CSMD1: variants seen among roughly 807,000 people sequenced by gnomAD.
CSMD1 encodes CUB and sushi domain-containing protein 1.
Under a neutral mutation model 417.5 loss-of-function variants are expected in CSMD1, and 213 were observed. The ratio of observed to expected loss-of-function variants is 0.51; its 90% CI spans 0.46 to 0.57. CSMD1 has a LOEUF of 0.57. Among genes scored for constraint, CSMD1 ranks in the 20% least tolerant of loss-of-function variants. CSMD1 has a pLI of 0.00. For synonymous variants in CSMD1, 2,862 were observed against 1,736.8 expected, an observed-to-expected ratio of 1.65 and a Z score of -16.11; for missense variants, 6,923 against 4,529.7, an observed-to-expected ratio of 1.53 and a Z score of -15.17.
At chr8:4,166,107 G>C (rs910729844) in intron 3 of CSMD1, among the ~76,000 whole-genome samples, 4 of 152,130 alleles carry the variant, frequency 2.6e-5, no homozygotes, top group African/African-American at 4.8e-5. Context: ...TGAGGTCATA[G>C]AGCAGCACTG....
intron 2 of CSMD1, among the ~76,000 whole-genome samples, chr8:4,443,204 G>T (rs180688093): frequency 6.6e-6 from 1 of 152,096 alleles, no homozygotes; most frequent in African/African-American, 2.4e-5. Flanking sequence ...TATACAAGAG[G>T]TGTTCAATTT....
At chr8:4,156,798 C>G (rs1051681859) in intron 3 of CSMD1, among the ~76,000 whole-genome samples, 2 of 152,154 alleles carry the variant, frequency 1.3e-5, no homozygotes, top group African/African-American at 4.8e-5. Context: ...GCCCAAATTA[C>G]AGATCCCAGC....
intron 10 of CSMD1, among the ~76,000 whole-genome samples, chr8:3,542,857 C>T (rs1442069220): frequency 6.6e-6 from 1 of 152,210 alleles, no homozygotes; most frequent in Non-Finnish European, 1.5e-5. Context: ...GGGAGAGCTG[C>T]TTTCCCGTGT....
chr8:4,388,281 C>G (rs1336810873), intron 3 of CSMD1, among the ~76,000 whole-genome samples: 1 of 148,714 alleles, frequency 6.7e-6, no homozygotes, highest in African/African-American at 2.5e-5. Context: ...ATCCATCAAA[C>G]AAGTGGATAA....
chr8:3,096,156 A>G (rs1815280442), intron 47 of CSMD1, among the ~76,000 whole-genome samples: 1 of 152,200 alleles, frequency 6.6e-6, no homozygotes, highest in Non-Finnish European at 1.5e-5. Context: ...CACTGTGTTA[A>G]AAAAATCAAA....
At chr8:4,404,132 A>T (rs1047538131) in intron 3 of CSMD1, among the ~76,000 whole-genome samples, 9 of 152,192 alleles carry the variant, frequency 5.9e-5, no homozygotes, top group African/African-American at 2.2e-4. Context: ...GCGAGTGTTT[A>T]TCTTTTTCTC....
chr8:2,974,517 T>C lies in CSMD1; in HGVS notation c.8674A>G (p.Ile2892Val), dbSNP rs760479008. Residue 2892 changes from isoleucine (I) to valine (V), a missense_variant, in exon 56 of 70, where the codon ATA becomes GTA. Transcript: ENST00000635120. ...HYSCRGSESLIGNDTRVCQED... is the reference protein window; with the variant it reads ...HYSCRGSESLVGNDTRVCQED... The stretch of plus-strand genomic sequence containing the variant: ...TGGCACACTCTCGTGTCGTTGCCTA[T>C]GAGGCTCTCGCTCCCTCTGCAGGAG... 1.3e-5 allele frequency: 21 copies of C among 1,613,564 alleles called. No individual in the cohort carries two copies. Among genetic ancestry groups the C allele is most frequent in the Admixed American group, 3.3e-5 (2 of 59,994 alleles).
intron 3 of CSMD1, among the ~76,000 whole-genome samples, chr8:4,270,424 T>C (rs1804512724): frequency 6.6e-6 from 1 of 152,150 alleles, no homozygotes; most frequent in African/African-American, 2.4e-5. Flanking sequence ...GCTCTTCTAC[T>C]TTCTGAAACC....
Position 4,488,780 on chromosome 8 carries a change from C to T in CSMD1, c.303-68715G>A, listed in dbSNP as rs1432585674. ...AGCTATGACCCGCGTCCTGCGTATC[C>T]AAAAAGGAAATACTCTATGTCCATA... On this transcript the variant is annotated intron_variant, in intron 2 of 69. Coordinates refer to ENST00000635120, the MANE Select transcript of CSMD1 (RefSeq NM_033225.6). Among the ~76,000 whole-genome samples the T allele has an allele frequency of 2.0e-5, 3 of 152,198 alleles. No homozygotes were observed. In the East Asian group the frequency reaches 5.8e-4, roughly 29 times the overall value.
chr8:4,299,602 A>G (rs945060848), intron 3 of CSMD1, among the ~76,000 whole-genome samples: 2 of 152,158 alleles, frequency 1.3e-5, no homozygotes, highest in Admixed American at 6.5e-5. Flanking sequence ...ATATTGGCCA[A>G]TATTTTTGTA....
intron 3 of CSMD1, among the ~76,000 whole-genome samples, chr8:4,107,564 T>C (rs1310772895): frequency 6.6e-6 from 1 of 152,234 alleles, no homozygotes; most frequent in Admixed American, 6.5e-5. Context: ...TAGCACCTGC[T>C]GGCTTCTAAT....
At chr8:3,182,727 G>A (rs1282600197) in intron 36 of CSMD1, among the ~76,000 whole-genome samples, 1 of 132,330 alleles carries the variant, frequency 7.6e-6, no homozygotes, top group Admixed American at 7.8e-5. Context: ...GAAGGACTCT[G>A]GCTGTCTCTT....
intron 1 of CSMD1, among the ~76,000 whole-genome samples, chr8:4,898,247 T>G (rs1472793940): frequency 6.6e-6 from 1 of 152,122 alleles, no homozygotes; most frequent in African/African-American, 2.4e-5. Flanking sequence ...TCGGGGTGCT[T>G]AGATGACTTG....
At chr8:3,578,689 G>A (rs541701339) in intron 9 of CSMD1, among the ~76,000 whole-genome samples, 4 of 152,194 alleles carry the variant, frequency 2.6e-5, no homozygotes, top group South Asian at 2.1e-4. Context: ...GCAAAGAACC[G>A]ATTGGGCAGC....
At position 3,157,098 on chromosome 8, in the gene CSMD1, G is replaced by T. The variant is rs78458765; in HGVS notation, c.5914+799C>A. Among the ~76,000 whole-genome samples the T allele has an allele frequency of 4.5e-3, 678 of 152,254 alleles. 16 individuals carry two copies. In the South Asian group the frequency reaches 0.048, roughly 11 times the overall value. On this transcript the variant is annotated intron_variant, in intron 39 of 69. Transcript: ENST00000635120. ...AAGCCGATCACTTTGTGGGTTGCGG[G>T]TAAGGAGTGTCAAGTAACTGACCAT... is the stretch of plus-strand genomic sequence containing the variant.
chr8:3,861,804 A>T (rs1287318593), intron 5 of CSMD1, among the ~76,000 whole-genome samples: 1 of 152,162 alleles, frequency 6.6e-6, no homozygotes, highest in Non-Finnish European at 1.5e-5. Context: ...TTATCTTTCT[A>T]AGTGTGCCGA....
chr8:4,830,329 G>C (rs1585174404), intron 1 of CSMD1, among the ~76,000 whole-genome samples: 1 of 152,190 alleles, frequency 6.6e-6, no homozygotes, highest in African/African-American at 2.4e-5. Context: ...CTCACTGCCA[G>C]CATCTACCAA....
chr8:4,235,360 GTTTT>G (rs150464000), intron 3 of CSMD1, among the ~76,000 whole-genome samples: 6 of 148,636 alleles, frequency 4.0e-5, no homozygotes, highest in African/African-American at 9.9e-5. Context: ...GACGTGTTTT[GTTTT>G]TTTTTTGTTT....
chr8:2,989,601 C>T (rs906770867), intron 54 of CSMD1, among the ~76,000 whole-genome samples: 1 of 151,978 alleles, frequency 6.6e-6, no homozygotes. Context: ...AATGCATCAA[C>T]GAATTTGTTT....
Sources: gnomAD v4.1 joint callset for allele counts (sites outside exome capture counted in the v4.1 genomes callset) on GRCh38, gnomAD v4.1.1 for gene constraint, MANE v1.5 for transcripts, NCBI Gene and HGNC (gene_info 2026-07-23, HGNC 2026-07-21) for gene names.